Variants in RAB43 observed in about 807,000 individuals in gnomAD.
RAB43 encodes RAB43, member RAS oncogene family, also known as ras-related protein Rab-43.
In RAB43, 6 loss-of-function variants were observed where a neutral mutation model predicts 18.8. The observed-to-expected ratio is 0.32, with a 90% confidence interval of 0.17 to 0.63. The LOEUF (loss-of-function observed/expected upper bound fraction) is 0.63, where lower values mean the gene tolerates loss of function less well. Among genes scored for constraint, RAB43 ranks in the 30% least tolerant of loss-of-function variants. The pLI, the probability that RAB43 is intolerant of heterozygous loss-of-function variation, is 0.79. For synonymous variants in RAB43, 103 were observed against 124.1 expected (o/e 0.83, Z 1.13); for missense variants, 195 against 289.1 (o/e 0.67, Z 2.36).
At position 129,103,867 on chromosome 3, in the gene RAB43, G is replaced by A. The variant is rs139625992; in HGVS notation, c.205-8698C>T. 4.5e-3 allele frequency among the ~76,000 whole-genome samples: 690 copies of A among 152,306 alleles called. 2 individuals carry two copies. Among genetic ancestry groups the A allele is most frequent in the African/African-American group, 0.015 (638 of 41,572 alleles). On this transcript the variant is annotated intron_variant, in intron 1 of 2. Transcript: ENST00000315150. ...GGCACGAGCCACCGCACCTGGCCAA[G>A]AGGCCTTTCTTAAAAGAGCAGTCCC...
At chr3:129,108,382 AC>A (rs1028924492) in intron 1 of RAB43, among the ~76,000 whole-genome samples, 1 of 152,152 alleles carries the variant, frequency 6.6e-6, no homozygotes, top group African/African-American at 2.4e-5. Context: ...ATGCAGTCCA[AC>A]TCTTGGTTCA....
rs1209503837 is a variant in RAB43 at position 129,095,079 on chromosome 3, C to T, written c.295G>A (p.Asp99Asn). 7.4e-6 allele frequency: 12 copies of T among 1,613,896 alleles called. No individual in the cohort carries two copies. Among genetic ancestry groups the T allele is most frequent in the African/African-American group, 2.7e-5 (2 of 74,916 alleles). ...RSANGAILAY[D>N]ITKRSSFLSV... ...AGGAAGGAGCTCCTCTTGGTGATGTCGTAGGCAAGGATGGCCCCATTGGCA... is the reference window on the plus strand; with the variant it reads ...AGGAAGGAGCTCCTCTTGGTGATGTTGTAGGCAAGGATGGCCCCATTGGCA... Residue 99 changes from aspartate to asparagine, a missense_variant, in exon 2 of 3, where the codon GAC becomes AAC. Coordinates refer to ENST00000315150, the MANE Select transcript of RAB43 (RefSeq NM_198490.3). The surrounding 1 kb of genome is among the most constrained non-coding windows in gnomAD (Gnocchi z 4.2).
intron 1 of RAB43, among the ~76,000 whole-genome samples, chr3:129,111,481 C>T (rs1465103761): frequency 7.0e-6 from 1 of 143,648 alleles, no homozygotes; most frequent in African/African-American, 2.6e-5. Flanking sequence ...CACCACTGCA[C>T]TCCGCCTGGG....
intron 1 of RAB43, among the ~76,000 whole-genome samples, chr3:129,114,366 G>A (rs1452352100): frequency 6.6e-6 from 1 of 152,128 alleles, no homozygotes; most frequent in Admixed American, 6.6e-5. Context: ...ACAGCAATGA[G>A]GAGAAAAGTA....
At chr3:129,101,506 G>A (rs1934410997) in intron 1 of RAB43, among the ~76,000 whole-genome samples, 2 of 152,202 alleles carry the variant, frequency 1.3e-5, no homozygotes, top group African/African-American at 4.8e-5. Context: ...GAATGTGAAA[G>A]CCAGGCAGAC....
At chr3:129,094,263 G>A (rs756263986) in intron 2 of RAB43, among the ~76,000 whole-genome samples, 2 of 152,070 alleles carry the variant, frequency 1.3e-5, no homozygotes, top group Non-Finnish European at 2.9e-5. Flanking sequence ...CTCTGTGTGC[G>A]GCACAACAGA....
intron 1 of RAB43, among the ~76,000 whole-genome samples, chr3:129,114,265 A>G (rs981313331): frequency 1.3e-5 from 2 of 152,250 alleles, no homozygotes; most frequent in Admixed American, 6.5e-5. Context: ...GTAAAATGCA[A>G]GCAATACAAG....
intron 1 of RAB43, among the ~76,000 whole-genome samples, chr3:129,114,471 G>A (rs1935369559): frequency 6.6e-6 from 1 of 152,182 alleles, no homozygotes; most frequent in African/African-American, 2.4e-5. Context: ...GTCTCCCACA[G>A]GGTGGCTATG....
At chr3:129,106,706 G>C (rs1934808150) in intron 1 of RAB43, among the ~76,000 whole-genome samples, 1 of 152,082 alleles carries the variant, frequency 6.6e-6, no homozygotes, top group Non-Finnish European at 1.5e-5. Context: ...TGGTGTCGGG[G>C]GCACAAATTC....
chr3:129,113,172 T>TA (rs1360386290), intron 1 of RAB43, among the ~76,000 whole-genome samples: 118 of 144,868 alleles, frequency 8.1e-4, no homozygotes, highest in African/African-American at 3.0e-3. Context: ...TTATTATTAT[T>TA]TTTTTTTTTT....
intron 1 of RAB43, among the ~76,000 whole-genome samples, chr3:129,105,039 C>T (rs185864164): frequency 2.1e-4 from 32 of 152,264 alleles, no homozygotes; most frequent in Middle Eastern, 3.4e-3. Context: ...CAAAATGTCC[C>T]GCACTATTGG....
chr3:129,119,942 C>T (rs1189915774), intron 1 of RAB43, among the ~76,000 whole-genome samples: 1 of 152,156 alleles, frequency 6.6e-6, no homozygotes, highest in Non-Finnish European at 1.5e-5. Context: ...ACTGGGCACA[C>T]TCAATAACGG....
chr3:129,105,636 C>T (rs896821829), intron 1 of RAB43, among the ~76,000 whole-genome samples: 1 of 151,288 alleles, frequency 6.6e-6, no homozygotes, highest in African/African-American at 2.4e-5. Flanking sequence ...AAAAATTAGC[C>T]GTGCATGGTG....
chr3:129,116,010 T>C (rs1488334415), intron 1 of RAB43, among the ~76,000 whole-genome samples: 2 of 152,200 alleles, frequency 1.3e-5, no homozygotes, highest in African/African-American at 4.8e-5. Context: ...TTTTACTTAA[T>C]AATGGCCCCA....
chr3:129,105,278 C>A (rs1011491122), intron 1 of RAB43, among the ~76,000 whole-genome samples: 13 of 152,084 alleles, frequency 8.5e-5, no homozygotes, highest in African/African-American at 2.9e-4. Context: ...CGTGACGAAA[C>A]CTTGTCTCTA....
rs1218861173 is a variant in RAB43, at chr3:129,107,899, C to G, written c.205-12730G>C. Among the ~76,000 whole-genome samples the G allele has an allele frequency of 6.6e-6, 1 of 152,190 alleles. No homozygotes were observed. Among genetic ancestry groups the G allele is most frequent in the African/African-American group, 2.4e-5 (1 of 41,458 alleles). ...CACCCTCCAAGCCACTCGGTCACCT[C>G]TTCAACTCTCTAGAGCAAACCCTCC... On this transcript the variant is annotated intron_variant, in intron 1 of 2. Transcript: ENST00000315150. This position sits in a 1 kb window ranked among gnomAD's most constrained non-coding sequence, Gnocchi z 4.2.
At chr3:129,111,879 A>G (rs138137442) in intron 1 of RAB43, among the ~76,000 whole-genome samples, 114 of 152,302 alleles carry the variant, frequency 7.5e-4, no homozygotes, top group Admixed American at 1.3e-3. Flanking sequence ...AGCAAACTGA[A>G]GTTTACTCTG....
In RAB43 at chr3:129,091,993, G is replaced by T. The variant is rs570240177; in HGVS notation, c.389-647C>A. 1.8e-3 allele frequency among the ~76,000 whole-genome samples: 265 copies of T among 151,390 alleles called. 5 individuals carry two copies. The highest frequency in any genetic ancestry group is 0.013 in the Admixed American group (200 of 15,168). On this transcript the variant is annotated intron_variant, in intron 2 of 2. Coordinates refer to ENST00000315150, the MANE Select transcript of RAB43 (RefSeq NM_198490.3). The stretch of plus-strand genomic sequence containing the variant: ...GCCTGAGGCAGGAGTGGCAAGCGGA[G>T]GTTGCAGTGAGCCGAGATTGTGCCA...
chr3:129,107,821 G>C lies in RAB43; in HGVS notation c.205-12652C>G, dbSNP rs1934882560. ...CCTCAAACCATCCCTCCAGTTCCCT[G>C]CTACTTTGGTCATCAACGATGGCCC... On this transcript the variant is annotated intron_variant, in intron 1 of 2. Coordinates refer to ENST00000315150, the MANE Select transcript of RAB43 (RefSeq NM_198490.3). The surrounding 1 kb of genome is among the most constrained non-coding windows in gnomAD (Gnocchi z 4.2). Among the ~76,000 whole-genome samples the C allele has an allele frequency of 6.6e-6, 1 of 152,098 alleles. No homozygotes were observed. The highest frequency in any genetic ancestry group is 6.6e-5 in the Admixed American group (1 of 15,264).
Sources: allele counts gnomAD v4.1 joint callset (sites outside exome capture counted in the v4.1 genomes callset), GRCh38; gene constraint gnomAD v4.1.1; non-coding constraint Gnocchi (gnomAD v3.1); transcripts MANE v1.5; gene names NCBI Gene and HGNC (gene_info 2026-07-23, HGNC 2026-07-21).